Variants in ANO4 observed in about 807,000 individuals in gnomAD.
The protein encoded by ANO4 is anoctamin-4.
ANO4 carries 69 observed loss-of-function variants against 141.9 expected under a neutral mutation model. The observed-to-expected ratio is 0.49, with a 90% CI of 0.40 to 0.59. The LOEUF (loss-of-function observed/expected upper bound fraction) is 0.59. Among genes scored for constraint, ANO4 ranks in the 20% least tolerant of loss-of-function variants. ANO4 has a pLI of 0.00. For missense variants in ANO4, 894 were observed against 1,162.2 expected (o/e 0.77, Z 3.36); for synonymous variants, 350 against 394.3 (o/e 0.89, Z 1.33).
intron 1 of ANO4, among the ~76,000 whole-genome samples, chr12:100,817,047 G>C (rs181178230): frequency 6.6e-6 from 1 of 151,930 alleles, no homozygotes; most frequent in Admixed American, 6.6e-5. Context: ...CTTGAATGTA[G>C]AGATTTGAAA....
At chr12:100,925,899 A>G (rs603133) in intron 3 of ANO4, among the ~76,000 whole-genome samples, 96,497 of 150,932 alleles carry the variant, frequency 0.64, 31,293 homozygotes, top group Middle Eastern at 0.75. Flanking sequence ...CTAGAAGTGC[A>G]TATGTGCATG....
intron 24 of ANO4, among the ~76,000 whole-genome samples, chr12:101,116,438 G>A (rs2050853801): frequency 6.6e-6 from 1 of 152,244 alleles, no homozygotes; most frequent in Middle Eastern, 3.4e-3. Context: ...CATTAATTGG[G>A]GTAGAGATGT....
In ANO4 at chr12:101,023,283, T is replaced by C. The variant is rs899746697; in HGVS notation, c.841+3143T>C. 3.9e-5 allele frequency among the ~76,000 whole-genome samples: 6 copies of C among 152,128 alleles called. No individual in the cohort carries two copies. In the East Asian group the frequency reaches 1.2e-3, roughly 29 times the overall value. The stretch of plus-strand genomic sequence containing the variant: ...AAATGTTCTGAAGAAGCACAGGAAG[T>C]GTAGTATTGTTGCTAGTCAGAAAGG... On this transcript the variant is annotated intron_variant, in intron 9 of 27. Coordinates refer to ENST00000392977, the MANE Select transcript of ANO4 (RefSeq NM_001286615.2).
At position 100,923,586 on chromosome 12, in the gene ANO4, G is replaced by A. The variant is rs544576576; in HGVS notation, c.160+1256G>A. On this transcript the variant is annotated intron_variant, in intron 3 of 27. Coordinates refer to ENST00000392977, the MANE Select transcript of ANO4 (RefSeq NM_001286615.2). ...AGTCTTTGCTATTGTGAATAGTGCC[G>A]CAATAAACATACGTGTGCATGTGTC... is the stretch of plus-strand genomic sequence containing the variant. 7.3e-4 allele frequency among the ~76,000 whole-genome samples: 111 copies of A among 152,120 alleles called. 2 individuals are homozygous for A. The South Asian group carries it at 0.019, about 26-fold the overall frequency.
intron 6 of ANO4, 181 bp from the exon 7 acceptor site, chr12:100,974,664 T>C: frequency 1.4e-6 from 1 of 708,958 alleles, no homozygotes; most frequent in Non-Finnish European, 2.6e-6. Flanking sequence ...TAAGATTTCA[T>C]GACTCAAAAA....
chr12:100,890,427 C>G (rs765047412), intron 1 of ANO4, among the ~76,000 whole-genome samples: 16 of 152,024 alleles, frequency 1.1e-4, no homozygotes, highest in Non-Finnish European at 2.2e-4. Context: ...TTCTTGGGTC[C>G]AAAGAGATGA....
chr12:101,033,549 C>T (rs1278957419), intron 9 of ANO4, among the ~76,000 whole-genome samples: 1 of 152,058 alleles, frequency 6.6e-6, no homozygotes, highest in Non-Finnish European at 1.5e-5. Flanking sequence ...TAGAAGAAAA[C>T]CTAGGCAATA....
chr12:100,781,907 A>T (rs2033722656), intron 3 of ANO4, among the ~76,000 whole-genome samples: 1 of 152,242 alleles, frequency 6.6e-6, no homozygotes. Flanking sequence ...ATATAATTCC[A>T]GTCAAAAGGA....
At chr12:100,872,818 A>G (rs2135931899) in intron 1 of ANO4, among the ~76,000 whole-genome samples, 1 of 152,352 alleles carries the variant, frequency 6.6e-6, no homozygotes, top group East Asian at 1.9e-4. Flanking sequence ...GAAGTAAAGT[A>G]TATTCTATCC....
chr12:101,040,300 G>A (rs2047363588), intron 11 of ANO4, among the ~76,000 whole-genome samples: 1 of 152,208 alleles, frequency 6.6e-6, no homozygotes, highest in Admixed American at 6.5e-5. Flanking sequence ...GAGTCTTAGA[G>A]AGGGGCCCAG....
At chr12:100,774,450 C>G (rs1295198597) in intron 3 of ANO4, among the ~76,000 whole-genome samples, 1 of 152,126 alleles carries the variant, frequency 6.6e-6, no homozygotes, top group Non-Finnish European at 1.5e-5. Flanking sequence ...AAAAAGAGAT[C>G]AACATCTTGA....
intron 1 of ANO4, among the ~76,000 whole-genome samples, chr12:100,887,804 G>A (rs762991942): frequency 1.3e-5 from 2 of 152,138 alleles, no homozygotes; most frequent in African/African-American, 2.4e-5. Flanking sequence ...ACTTACAATT[G>A]CCTACTTCTA....
intron 5 of ANO4, among the ~76,000 whole-genome samples, chr12:100,962,513 C>T (rs966498599): frequency 1.3e-5 from 2 of 152,212 alleles, no homozygotes; most frequent in Admixed American, 6.5e-5. Context: ...CTGGGTACAG[C>T]TCAACTGTGT....
intron 14 of ANO4, among the ~76,000 whole-genome samples, chr12:101,052,552 C>T (rs530024259): frequency 2.0e-5 from 3 of 152,186 alleles, no homozygotes; most frequent in African/African-American, 7.2e-5. Flanking sequence ...CCCCAGTAAA[C>T]ACACCAAGCA....
chr12:100,740,978 A>G (rs1331809776), intron 3 of ANO4, among the ~76,000 whole-genome samples: 2 of 152,170 alleles, frequency 1.3e-5, no homozygotes, highest in Admixed American at 6.6e-5. Context: ...CTGACTGCTG[A>G]TCTATGTGAT....
At chr12:100,908,385 T>G (rs2040942584) in intron 2 of ANO4, among the ~76,000 whole-genome samples, 3 of 152,060 alleles carry the variant, frequency 2.0e-5, no homozygotes, top group Non-Finnish European at 1.5e-5. Context: ...AAAACATCAC[T>G]TTACTTATCT....
intron 14 of ANO4, among the ~76,000 whole-genome samples, chr12:101,067,676 C>T (rs1420208687): frequency 6.6e-6 from 1 of 152,132 alleles, no homozygotes; most frequent in East Asian, 1.9e-4. Flanking sequence ...GAGTGAGACT[C>T]TGTCTCCCAA....
In ANO4 at chr12:101,018,864, C is replaced by T. The variant is rs373279409; in HGVS notation, c.735-1170C>T. The stretch of plus-strand genomic sequence containing the variant: ...TCTTGCTTCCCCACTATACTGTAAG[C>T]TTCTCAAGGACAAGGATTTTATCTG... On this transcript the variant is annotated intron_variant, in intron 8 of 27. Coordinates refer to ENST00000392977, the MANE Select transcript of ANO4 (RefSeq NM_001286615.2). 2.0e-4 allele frequency among the ~76,000 whole-genome samples: 31 copies of T among 152,250 alleles called. No individual in the cohort carries two copies. The East Asian group carries it at 5.2e-3, about 26-fold the overall frequency.
At chr12:101,055,749 T>A (rs1469717415) in intron 14 of ANO4, among the ~76,000 whole-genome samples, 1 of 152,154 alleles carries the variant, frequency 6.6e-6, no homozygotes, top group Non-Finnish European at 1.5e-5. Flanking sequence ...AACTCAAAGT[T>A]TCTAAGATTT....
Sources: gnomAD v4.1 joint callset for allele counts (sites outside exome capture counted in the v4.1 genomes callset) on GRCh38, gnomAD v4.1.1 for gene constraint, MANE v1.5 for transcripts, NCBI Gene and HGNC (gene_info 2026-07-23, HGNC 2026-07-21) for gene names.